The following SLC24A2 variants were observed in gnomAD, a reference collection of about 807,000 sequenced individuals.
SLC24A2 encodes sodium/potassium/calcium exchanger 2.
A neutral mutation model predicts 62.0 loss-of-function variants in SLC24A2; 36 were observed. The ratio of observed to expected loss-of-function variants is 0.58; its 90% CI spans 0.44 to 0.77. The LOEUF is 0.77. Ranked by LOEUF, SLC24A2 falls within the 30% of genes least tolerant of loss-of-function variation. The pLI, the probability that SLC24A2 is intolerant of heterozygous loss-of-function variation, is 0.00. For missense variants in SLC24A2, 846 were observed against 817.9 expected (o/e 1.03, Z -0.42); for synonymous variants, 358 against 294.0 (o/e 1.22, Z -2.23).
the SLC24A2 span, among the ~76,000 whole-genome samples, chr9:20,020,028 C>T: frequency 2.6e-5 from 4 of 152,170 alleles, no homozygotes; most frequent in African/African-American, 9.7e-5. Context: ...GAGATACCAT[C>T]TCACACCAGT....
intron 2 of SLC24A2, among the ~76,000 whole-genome samples, chr9:19,718,570 C>T (rs1410473134): frequency 6.6e-6 from 1 of 150,758 alleles, no homozygotes; most frequent in Non-Finnish European, 1.5e-5. Context: ...CTTGGCCTCA[C>T]AAAGTGTGGA....
chr9:20,099,288 C>G, the SLC24A2 span, among the ~76,000 whole-genome samples: 1 of 152,212 alleles, frequency 6.6e-6, no homozygotes, highest in Non-Finnish European at 1.5e-5. Flanking sequence ...CTGCCTATCC[C>G]TTGCCATTTG....
chr9:20,223,769 G>C, the SLC24A2 span, among the ~76,000 whole-genome samples: 1 of 152,070 alleles, frequency 6.6e-6, no homozygotes, highest in African/African-American at 2.4e-5. Context: ...AGAATAATTG[G>C]TTATTTAGGT....
the SLC24A2 span, among the ~76,000 whole-genome samples, chr9:19,991,868 G>A: frequency 2.0e-5 from 3 of 152,196 alleles, no homozygotes; most frequent in Non-Finnish European, 1.5e-5. Context: ...GACTTAAACT[G>A]AGTCTTGACA....
the SLC24A2 span, among the ~76,000 whole-genome samples, chr9:19,961,847 T>C: frequency 1.3e-5 from 2 of 152,188 alleles, no homozygotes; most frequent in Non-Finnish European, 2.9e-5. Flanking sequence ...GCCTCCCACC[T>C]ACAGTCAGGG....
At chr9:19,554,789 C>A (rs1835001402) in intron 7 of SLC24A2, among the ~76,000 whole-genome samples, 1 of 152,092 alleles carries the variant, frequency 6.6e-6, no homozygotes, top group Admixed American at 6.6e-5. Context: ...GGTGGAGGAA[C>A]AATATATGAG....
At chr9:19,947,594 T>C in the SLC24A2 span, among the ~76,000 whole-genome samples, 2 of 151,530 alleles carry the variant, frequency 1.3e-5, no homozygotes, top group African/African-American at 2.4e-5. Context: ...ATTGAGACCA[T>C]CCTGGCTAAC....
the SLC24A2 span, among the ~76,000 whole-genome samples, chr9:20,037,531 T>C: frequency 6.6e-6 from 1 of 152,186 alleles, no homozygotes; most frequent in East Asian, 1.9e-4. Flanking sequence ...CATTAATCCA[T>C]AGGGTAAATA....
At chr9:19,543,171 C>T (rs1173337609) in intron 8 of SLC24A2, among the ~76,000 whole-genome samples, 1 of 152,130 alleles carries the variant, frequency 6.6e-6, no homozygotes, top group Non-Finnish European at 1.5e-5. Flanking sequence ...GTGTATGTGT[C>T]CAGGAATTTA....
At chr9:20,008,759 G>C in the SLC24A2 span, among the ~76,000 whole-genome samples, 3 of 152,120 alleles carry the variant, frequency 2.0e-5, no homozygotes, top group Admixed American at 6.5e-5. Flanking sequence ...GTTGCATTGA[G>C]TTCTCCCACT....
the SLC24A2 span, among the ~76,000 whole-genome samples, chr9:20,055,469 A>G: frequency 6.6e-6 from 1 of 152,176 alleles, no homozygotes; most frequent in African/African-American, 2.4e-5. Flanking sequence ...TAGGGGGTGT[A>G]AATTTCATAA....
chr9:20,243,027 T>G, the SLC24A2 span, among the ~76,000 whole-genome samples: 1 of 152,282 alleles, frequency 6.6e-6, no homozygotes, highest in South Asian at 2.1e-4. Flanking sequence ...AACCCAGCAG[T>G]GTTTTATTTC....
chr9:20,143,629 C>T, the SLC24A2 span, among the ~76,000 whole-genome samples: 1 of 152,120 alleles, frequency 6.6e-6, no homozygotes, highest in African/African-American at 2.4e-5. Context: ...TTATTGAATG[C>T]CATTTGAATG....
chr9:19,812,175 C>A, the SLC24A2 span, among the ~76,000 whole-genome samples: 6 of 152,070 alleles, frequency 3.9e-5, no homozygotes, highest in Non-Finnish European at 8.8e-5. Context: ...AGATAACATA[C>A]TGTTTTTTCT....
At chr9:19,763,955 G>A (rs1479107081) in intron 2 of SLC24A2, among the ~76,000 whole-genome samples, 1 of 151,988 alleles carries the variant, frequency 6.6e-6, no homozygotes, top group Non-Finnish European at 1.5e-5. Context: ...GCTTTTTTTG[G>A]TTGGCAGGCT....
rs1423245449 is a variant in SLC24A2, at chr9:19,576,923, C to T, written c.1228+1G>A. 6.2e-7 allele frequency: 1 copy of T among 1,608,848 alleles called. No individual in the cohort carries two copies. Among genetic ancestry groups the T allele is most frequent in the Admixed American group, 1.7e-5 (1 of 60,020 alleles). The stretch of plus-strand genomic sequence containing the variant: ...TGGGGTGGATGTTTCCCTGCACTCA[C>T]CCACGTGGTTGGCAGCCCCATTCTG... On this transcript the variant is annotated splice_donor_variant, in intron 6 of 10. Transcript: ENST00000341998. LOFTEE classifies it high-confidence loss of function.
chr9:19,980,627 C>T, the SLC24A2 span, among the ~76,000 whole-genome samples: 1,039 of 152,168 alleles, frequency 6.8e-3, 7 homozygotes, highest in Admixed American at 0.029. Flanking sequence ...TATTTGATTT[C>T]TCACTTCCAT....
chr9:19,588,914 T>C (rs749594223), intron 5 of SLC24A2, among the ~76,000 whole-genome samples: 1 of 152,186 alleles, frequency 6.6e-6, no homozygotes, highest in East Asian at 1.9e-4. Context: ...TAAGCCAAGA[T>C]TGCGCTACTG....
At chr9:19,895,546 C>CTTTCTTTTTTTTTTTTTT in the SLC24A2 span, among the ~76,000 whole-genome samples, 1 of 135,330 alleles carries the variant, frequency 7.4e-6, no homozygotes, top group Non-Finnish European at 1.6e-5. Context: ...TTCTTTCTTT[C>CTTTCTTTTTTTTTTTTTT]TTTTTTTTTT....
Sources: allele counts gnomAD v4.1 joint callset (sites outside exome capture counted in the v4.1 genomes callset), GRCh38; gene constraint gnomAD v4.1.1; transcripts MANE v1.5; gene names NCBI Gene and HGNC (gene_info 2026-07-23, HGNC 2026-07-21).